The following ALG14 variants were observed in gnomAD, a reference collection of about 807,000 sequenced individuals.
ALG14 encodes the protein UDP-N-acetylglucosamine transferase subunit ALG14.
ALG14 carries 17 observed loss-of-function variants against 22.8 expected under a neutral mutation model. That is an observed-to-expected ratio of 0.75 (90% CI 0.51 to 1.12). The LOEUF (loss-of-function observed/expected upper bound fraction) is 1.12, where lower values mean the gene tolerates loss of function less well. Ranked by LOEUF, ALG14 falls within the 50% of genes most tolerant of loss-of-function variation. The pLI is 0.00. For missense variants in ALG14, 288 were observed against 271.8 expected (o/e 1.06, Z -0.42); for synonymous variants, 89 against 103.7 (o/e 0.86, Z 0.86).
At chr1:95,052,776 G>A (rs1242286366) in intron 2 of ALG14, among the ~76,000 whole-genome samples, 1 of 150,278 alleles carries the variant, frequency 6.7e-6, no homozygotes, top group African/African-American at 2.5e-5. Flanking sequence ...AGAATCAGCT[G>A]AACCCGGGAG....
At chr1:95,069,417 T>C (rs918057966) in intron 1 of ALG14, among the ~76,000 whole-genome samples, 3 of 152,168 alleles carry the variant, frequency 2.0e-5, no homozygotes, top group Non-Finnish European at 4.4e-5. Flanking sequence ...TGTCAAGACC[T>C]TCCAAATTTA....
intron 3 of ALG14, among the ~76,000 whole-genome samples, chr1:94,990,457 C>G (rs1672743915): frequency 6.6e-6 from 1 of 152,018 alleles, no homozygotes; most frequent in African/African-American, 2.4e-5. Context: ...AATTCTAAAC[C>G]CTCGAATCCC....
At chr1:94,992,546 G>A (rs1448854699) in intron 3 of ALG14, among the ~76,000 whole-genome samples, 1 of 152,120 alleles carries the variant, frequency 6.6e-6, no homozygotes, top group East Asian at 1.9e-4. Context: ...GAGGACCAAT[G>A]GAAGAGGAGG....
intron 2 of ALG14, among the ~76,000 whole-genome samples, chr1:95,037,808 G>A (rs775054043): frequency 4.3e-4 from 66 of 151,998 alleles, no homozygotes; most frequent in Non-Finnish European, 8.4e-4. Flanking sequence ...AATTGTTTAC[G>A]ACATTGAATT....
chr1:95,055,599 A>G (rs956154050), intron 2 of ALG14, among the ~76,000 whole-genome samples: 1 of 152,128 alleles, frequency 6.6e-6, no homozygotes, highest in Non-Finnish European at 1.5e-5. Flanking sequence ...GTTCTCCCCA[A>G]ACTGATATAT....
intron 3 of ALG14, among the ~76,000 whole-genome samples, chr1:95,000,669 A>G (rs963088953): frequency 1.3e-5 from 2 of 151,798 alleles, no homozygotes; most frequent in Admixed American, 6.6e-5. Context: ...TGTTCAAATT[A>G]ATCAGTTCTG....
At position 94,983,151 on chromosome 1, in the gene ALG14, T is replaced by C; in HGVS notation, c.576A>G (p.Ser192=). 1 of 1,614,146 alleles carries C rather than the reference T, an allele frequency of 6.2e-7. No homozygotes were observed. Among genetic ancestry groups the C allele is most frequent in the Non-Finnish European group, 8.5e-7 (1 of 1,180,026 alleles). The change falls in exon 4 of 4, where the codon TCA becomes TCG. Residue 192 remains serine (S), a synonymous_variant. Coordinates refer to ENST00000370205, the MANE Select transcript of ALG14 (RefSeq NM_144988.4). ...CCGGCCACTGAACAATGAAGTAATC[T>C]GAGAGATGAAACAGAATCTTTCCGG... ...SMSGKILFHL[S]DYFIVQWPAL...
At chr1:94,994,748 G>A (rs549990448) in intron 3 of ALG14, among the ~76,000 whole-genome samples, 5 of 152,302 alleles carry the variant, frequency 3.3e-5, no homozygotes, top group Middle Eastern at 3.4e-3. Context: ...TTAGAAGTGG[G>A]CTTAAGGCAA....
At chr1:95,066,096 G>C (rs999004933) in intron 1 of ALG14, among the ~76,000 whole-genome samples, 2 of 152,108 alleles carry the variant, frequency 1.3e-5, no homozygotes, top group South Asian at 2.1e-4. Context: ...TGGTCATGCT[G>C]CTCCCCCTAC....
At chr1:94,998,517 A>T (rs145480362) in intron 3 of ALG14, among the ~76,000 whole-genome samples, 1 of 152,254 alleles carries the variant, frequency 6.6e-6, no homozygotes, top group African/African-American at 2.4e-5. Flanking sequence ...TAAAATTCTA[A>T]TAACTACCAC....
chr1:95,056,147 A>G (rs1036814369), intron 2 of ALG14, among the ~76,000 whole-genome samples: 1 of 152,206 alleles, frequency 6.6e-6, no homozygotes, highest in Admixed American at 6.5e-5. Context: ...GCTATATATT[A>G]GAAGCAGAAA....
In ALG14 at chr1:95,028,097, C is replaced by T. The variant is rs757732348; in HGVS notation, c.289-837G>A. ...GGAAGACAGCATGTTTAATATAATC[C>T]AGCATCAATTAACAAAATACTCACA... On this transcript the variant is annotated intron_variant, in intron 2 of 3. Transcript: ENST00000370205. Among the ~76,000 whole-genome samples the T allele has an allele frequency of 3.3e-5, 5 of 152,102 alleles. No individual in the cohort carries two copies. The South Asian group carries it at 8.3e-4, about 25-fold the overall frequency.
At chr1:95,001,478 G>C (rs1224111403) in intron 3 of ALG14, among the ~76,000 whole-genome samples, 2 of 152,094 alleles carry the variant, frequency 1.3e-5, no homozygotes, top group African/African-American at 4.8e-5. Context: ...TGAATAATTT[G>C]ATTTCTATGG....
At chr1:95,026,654 C>A in intron 3 of ALG14, among the ~76,000 whole-genome samples, 2 of 138,008 alleles carry the variant, frequency 1.4e-5, no homozygotes, top group Middle Eastern at 7.2e-3. Context: ...ACAGGCCAGG[C>A]GCAGTGGCTC....
intron 3 of ALG14, among the ~76,000 whole-genome samples, chr1:95,012,480 T>C (rs1001655693): frequency 1.3e-5 from 2 of 152,234 alleles, no homozygotes; most frequent in African/African-American, 4.8e-5. Context: ...TGCACTGCAG[T>C]GGAGTCCAAT....
intron 3 of ALG14, among the ~76,000 whole-genome samples, chr1:95,011,663 C>A (rs1220370570): frequency 6.6e-6 from 1 of 152,046 alleles, no homozygotes; most frequent in African/African-American, 2.4e-5. Context: ...GATCTGCCCA[C>A]CTCGGCCTCC....
At chr1:95,006,698 G>A (rs1467598090) in intron 3 of ALG14, among the ~76,000 whole-genome samples, 1 of 152,224 alleles carries the variant, frequency 6.6e-6, no homozygotes, top group Admixed American at 6.5e-5. Context: ...TCTTTTCCAT[G>A]CTTTACCCGT....
At chr1:95,066,369 G>A (rs934850544) in intron 1 of ALG14, among the ~76,000 whole-genome samples, 4 of 151,918 alleles carry the variant, frequency 2.6e-5, no homozygotes, top group Non-Finnish European at 5.9e-5. Flanking sequence ...AATTACATGC[G>A]TGTGCCACCA....
chr1:95,038,441 A>G lies in ALG14; in HGVS notation c.289-11181T>C, dbSNP rs1485335852. ...GAGGAGGAAGTTGCAGTGAGCCAAG[A>G]TCGTGACACTGCACTCTAGTCTGGT... On this transcript the variant is annotated intron_variant, in intron 2 of 3. Coordinates refer to ENST00000370205, the MANE Select transcript of ALG14 (RefSeq NM_144988.4). Among the ~76,000 whole-genome samples the G allele has an allele frequency of 3.9e-5, 6 of 152,264 alleles. No individual in the cohort carries two copies. In the East Asian group the frequency reaches 1.2e-3, roughly 29 times the overall value.
Sources: allele counts gnomAD v4.1 joint callset (sites outside exome capture counted in the v4.1 genomes callset), GRCh38; gene constraint gnomAD v4.1.1; transcripts MANE v1.5; gene names NCBI Gene and HGNC (gene_info 2026-07-23, HGNC 2026-07-21).